The following HNRNPAB variants were observed in gnomAD, a reference collection of about 807,000 sequenced individuals.
HNRNPAB encodes heterogeneous nuclear ribonucleoprotein A/B.
Under a neutral mutation model 44.1 loss-of-function variants are expected in HNRNPAB, and 17 were observed. The ratio of observed to expected loss-of-function variants is 0.39; its 90% confidence interval spans 0.26 to 0.58. HNRNPAB has a LOEUF of 0.58. Ranked by LOEUF, HNRNPAB falls within the 20% of genes least tolerant of loss-of-function variation. HNRNPAB has a pLI of 0.63. For synonymous variants in HNRNPAB, 183 were observed against 167.6 expected (o/e 1.09, Z -0.71); for missense variants, 393 against 432.7 (o/e 0.91, Z 0.81).
chr5:178,206,399 G>A (rs1757059379), intron 3 of HNRNPAB, among the ~76,000 whole-genome samples: 1 of 152,232 alleles, frequency 6.6e-6, no homozygotes, highest in Admixed American at 6.5e-5. Context: ...AGCTAGTAGG[G>A]AGTGGAGGGA....
chr5:178,205,152 C>T (rs1756989181), intron 2 of HNRNPAB, 106 bp downstream of exon 2: 4 of 799,786 alleles, frequency 5.0e-6, no homozygotes, highest in Non-Finnish European at 6.5e-6. Context: ...CGGGTCGGGG[C>T]TGGTGCGGCC....
chr5:178,205,172 T>C (rs1212600807), intron 2 of HNRNPAB, 126 bp downstream of exon 2: 9 of 601,604 alleles, frequency 1.5e-5, no homozygotes, highest in Middle Eastern at 5.8e-4. Context: ...CCGCGGACTG[T>C]CGCCGCTGCG....
rs868742060 is a variant in HNRNPAB at position 178,208,210 on chromosome 5, T to G, written c.669+985T>G. On this transcript the variant is annotated intron_variant, in intron 5 of 7. Coordinates refer to ENST00000358344, the MANE Select transcript of HNRNPAB (RefSeq NM_031266.3). ...GCCTGCAGTGGCAGGGTGTGGCAGG[T>G]TCTGTTTCTGAGCAGGAGTTGGCAG... 3.7e-3 allele frequency among the ~76,000 whole-genome samples: 562 copies of G among 151,646 alleles called. 2 individuals are homozygous for G. Among genetic ancestry groups the G allele is most frequent in the African/African-American group, 0.012 (514 of 41,502 alleles).
chr5:178,205,934 T>C lies in HNRNPAB; in HGVS notation c.302T>C (p.Ile101Thr). 2 of 1,614,148 alleles carry C rather than the reference T, an allele frequency of 1.2e-6. No homozygotes were observed. The highest frequency in any genetic ancestry group is 1.7e-6 in the Non-Finnish European group (2 of 1,179,986). Residue 101 changes from isoleucine (I) to threonine (T), a missense_variant, in exon 3 of 8, where the codon ATA (isoleucine) becomes ACA (threonine). This residue lies in a region of HNRNPAB where 102 missense variants were observed against 162.3 expected (regional missense o/e 0.63). Coordinates refer to ENST00000358344, the MANE Select transcript of HNRNPAB (RefSeq NM_031266.3). ...TKFGEVVDCTIKMDPNTGRSR... is the reference protein window; with the variant it reads ...TKFGEVVDCTTKMDPNTGRSR... ...TTTGGAGAGGTCGTTGACTGTACAA[T>C]AAAAATGGATCCCAACACTGGACGG...
At chr5:178,207,259 G>A in intron 5 of HNRNPAB, 34 bp downstream of exon 5, 1 of 1,611,926 alleles carries the variant, frequency 6.2e-7, no homozygotes. Flanking sequence ...GGCCTCCTGT[G>A]CTGCTGGAGA....
chr5:178,210,482 A>G lies in HNRNPAB; in HGVS notation c.929-71A>G, dbSNP rs183037540. 5.2e-4 allele frequency: 794 copies of G among 1,514,614 alleles called. 3 individuals are homozygous for G. The African/African-American group carries it at 9.9e-3, about 19-fold the overall frequency. 93.8% of individuals were successfully genotyped at this position (1,514,614 alleles called of 1,614,324 possible). On this transcript the variant is annotated intron_variant, in intron 7 of 7. Transcript: ENST00000358344. ...CACGGCTGGTGAGGGTCCTGGGAAG[A>G]TGCATATCAAGCGCGTGGCACAGGG...
intron 2 of HNRNPAB, 125 bp downstream of exon 2, chr5:178,205,171 G>C: frequency 4.9e-6 from 3 of 611,684 alleles, no homozygotes; most frequent in Non-Finnish European, 6.7e-6. Flanking sequence ...CCCGCGGACT[G>C]TCGCCGCTGC....
intron 2 of HNRNPAB, 48 bp from the exon 3 acceptor site, chr5:178,205,794 A>G (rs1757034294): frequency 2.5e-6 from 4 of 1,582,772 alleles, no homozygotes; most frequent in African/African-American, 2.7e-5. Context: ...CCAAAATCAC[A>G]GCTTGCTTAC....
Position 178,210,210 on chromosome 5 carries a change from G to A in HNRNPAB, c.866G>A (p.Gly289Asp). The part of the protein sequence containing the change: ...GYGYQQGYGP[G>D]YGGYDYSPYG... ...GGCTACCAGCAGGGCTACGGGCCTG[G>A]CTATGGCGGCTACGACTACTCGCCC... The change falls in exon 7 of 8, where the codon GGC (glycine) becomes GAC (aspartate). Residue 289 changes from glycine to aspartate, a missense_variant. Physicochemically the swap from Gly to Asp is moderately conservative, Grantham distance 94. Around this residue, in one of 3 missense-constraint regions of HNRNPAB, gnomAD observed 210 missense variants for 196.9 expected, o/e 1.07. Coordinates refer to ENST00000358344, the MANE Select transcript of HNRNPAB (RefSeq NM_031266.3). 1 of 1,613,032 alleles carries A rather than the reference G, an allele frequency of 6.2e-7. No homozygotes were observed. The highest frequency in any genetic ancestry group is 8.5e-7 in the Non-Finnish European group (1 of 1,179,028).
At position 178,210,175 on chromosome 5, in the gene HNRNPAB, CCAGGGCTACGGCTACCAG is replaced by C. The variant is rs754641334; in HGVS notation, c.843_860del (p.Tyr282_Gly287del). The stretch of plus-strand genomic sequence containing the variant: ...ATCAGGGCTACGGCAACTACTGGAA[CCAGGGCTACGGCTACCAG>C]CAGGGCTACGGGCCTGGCTATGGCG... On this transcript the variant is annotated inframe_deletion, in exon 7 of 8. Coordinates refer to ENST00000358344, the MANE Select transcript of HNRNPAB (RefSeq NM_031266.3). 1.5e-5 allele frequency: 25 copies of C among 1,613,658 alleles called. No homozygotes were observed. The highest frequency in any genetic ancestry group is 2.2e-5 in the East Asian group (1 of 44,896).
At chr5:178,207,691 CTTTTTTTTTTT>C (rs34424574) in intron 5 of HNRNPAB, among the ~76,000 whole-genome samples, 1 of 78,756 alleles carries the variant, frequency 1.3e-5, no homozygotes, top group African/African-American at 5.3e-5. Flanking sequence ...ACTTTGAGCA[CTTTTTTTTTTT>C]TTTTTTTTTT....
chr5:178,206,071 C>T, intron 3 of HNRNPAB, 61 bp downstream of exon 3: 1 of 1,479,976 alleles, frequency 6.8e-7, no homozygotes, highest in Non-Finnish European at 9.3e-7. Context: ...TAAGAGGACA[C>T]CTTTCTTAAA....
At chr5:178,209,997 C>T in intron 6 of HNRNPAB, 135 bp from the exon 7 acceptor site, 4 of 1,269,238 alleles carry the variant, frequency 3.2e-6, no homozygotes, top group South Asian at 2.9e-5. Flanking sequence ...CCCTTATACA[C>T]CAGAACAGCA....
intron 7 of HNRNPAB, 52 bp from the exon 8 acceptor site, chr5:178,210,501 C>T: frequency 1.3e-6 from 2 of 1,570,300 alleles, no homozygotes; most frequent in Non-Finnish European, 1.8e-6. Flanking sequence ...AAGCGCGTGG[C>T]ACAGGGCAAA....
At chr5:178,206,617 T>G (rs974221404) in intron 3 of HNRNPAB, 115 bp from the exon 4 acceptor site, 1 of 1,042,390 alleles carries the variant, frequency 9.6e-7, no homozygotes, top group Non-Finnish European at 1.4e-6. Context: ...TGGGGTAGAA[T>G]TTGGAGGGGG....
chr5:178,207,099 G>A lies in HNRNPAB; in HGVS notation c.543G>A (p.Glu181=), dbSNP rs1757098490. The A allele has an allele frequency of 6.2e-7, 1 of 1,614,070 alleles. No homozygotes were observed. The highest frequency in any genetic ancestry group is 1.1e-5 in the South Asian group (1 of 91,070). The change falls in exon 5 of 8, where the codon GAG becomes GAA. Residue 181 remains glutamate, a synonymous_variant. Transcript: ENST00000358344. ...REYFGEFGEI[E]AIELPMDPKL... is the part of the protein sequence containing the mutation. ...TTTGCCTATGCTTTTTGCAGATTGA[G>A]GCCATTGAATTGCCAATGGATCCAA...
At chr5:178,205,336 A>T (rs1422010498) in intron 2 of HNRNPAB, among the ~76,000 whole-genome samples, 1 of 151,538 alleles carries the variant, frequency 6.6e-6, no homozygotes, top group Non-Finnish European at 1.5e-5. Context: ...CGGAAGAGGG[A>T]AAGCGCTCGG....
Position 178,210,879 on chromosome 5 carries a change from TGGGA to T in HNRNPAB, c.*259_*262del. 1 of 542,878 alleles carries T rather than the reference TGGGA, an allele frequency of 1.8e-6. No individual in the cohort carries two copies. Among genetic ancestry groups the T allele is most frequent in the Non-Finnish European group, 3.3e-6 (1 of 303,356 alleles). The allele number at this position is 542,878 out of a possible 1,614,324, so 33.6% of individuals were successfully genotyped here. On this transcript the variant is annotated 3_prime_UTR_variant, in exon 8 of 8. Transcript: ENST00000358344. ...TATTACCAGGTCCCCCAGAAGCAGG[TGGGA>T]GGCTCTGCTTCCTGCTGCCGCTCTG...
Position 178,210,760 on chromosome 5 carries a change from G to A in HNRNPAB, c.*137G>A. 1.4e-6 allele frequency: 1 copy of A among 701,592 alleles called. No homozygotes were observed. Among genetic ancestry groups the A allele is most frequent in the South Asian group, 1.6e-5 (1 of 60,642 alleles). The allele number at this position is 701,592 out of a possible 1,614,324, so 43.5% of individuals were successfully genotyped here. A position where few individuals can be genotyped will look rare whatever the true frequency, so the allele number is the denominator to read the frequency against. ...GCATCTTATTTAAAATTTCCCCCATGGAAATCACTCTCCTGTTGACTATTT... is the reference window on the plus strand; with the variant it reads ...GCATCTTATTTAAAATTTCCCCCATAGAAATCACTCTCCTGTTGACTATTT... On this transcript the variant is annotated 3_prime_UTR_variant, in exon 8 of 8. Transcript: ENST00000358344.
Sources: gnomAD v4.1 joint callset for allele counts (sites outside exome capture counted in the v4.1 genomes callset) on GRCh38, gnomAD v4.1.1 for gene constraint, gnomAD v4.1.1 regional missense constraint, MANE v1.5 for transcripts, NCBI Gene and HGNC (gene_info 2026-07-23, HGNC 2026-07-21) for gene names.